The following BBS1 variants were observed in gnomAD, a reference collection of about 807,000 sequenced individuals.
The protein encoded by BBS1 is BBSome complex member BBS1.
In BBS1, 60 loss-of-function variants were observed where a neutral mutation model predicts 73.9. The observed-to-expected ratio is 0.81, with a 90% confidence interval of 0.66 to 1.01. The LOEUF (loss-of-function observed/expected upper bound fraction) is 1.01, where lower values mean the gene tolerates loss of function less well. Among genes scored for constraint, BBS1 ranks in the 50% least tolerant of loss-of-function variants. The pLI is 0.00. For synonymous variants in BBS1, 283 were observed against 317.4 expected, an observed-to-expected ratio of 0.89 and a Z score of 1.15; for missense variants, 718 against 770.3, an observed-to-expected ratio of 0.93 and a Z score of 0.80.
At chr11:66,514,315 G>T (rs1414963493) in intron 3 of BBS1, 91 bp from the exon 4 acceptor site, 73 of 1,514,736 alleles carry the variant, frequency 4.8e-5, no homozygotes, top group Non-Finnish European at 6.5e-5. Context: ...GTGCAGGAAT[G>T]AATGAATGTG....
intron 8 of BBS1, chr11:66,520,265 T>C (rs1183733583): frequency 6.3e-6 from 1 of 157,704 alleles, no homozygotes; most frequent in Non-Finnish European, 1.4e-5. Flanking sequence ...TAAAACCACA[T>C]CAGCCTTTTA....
intron 8 of BBS1, 44 bp from the exon 9 acceptor site, chr11:66,521,226 G>A (rs762622519): frequency 7.4e-6 from 11 of 1,482,462 alleles, no homozygotes; most frequent in Middle Eastern, 1.9e-4. Context: ...AGGGAGGGAC[G>A]GGGGCTCCAG....
chr11:66,527,426 T>A (rs1035838126), intron 13 of BBS1: 1 of 257,006 alleles, frequency 3.9e-6, no homozygotes, highest in Non-Finnish European at 7.6e-6. Context: ...ATCCCACCAC[T>A]TTGGGAGGCG....
chr11:66,512,873 G>T (rs1472551183), intron 3 of BBS1, among the ~76,000 whole-genome samples: 1 of 152,084 alleles, frequency 6.6e-6, no homozygotes, highest in Non-Finnish European at 1.5e-5. Flanking sequence ...TCGGGAGGCT[G>T]AGGCAGGAGA....
intron 4 of BBS1, 134 bp downstream of exon 4, chr11:66,514,812 G>A: frequency 1.0e-6 from 1 of 993,754 alleles, no homozygotes; most frequent in Non-Finnish European, 1.5e-6. Flanking sequence ...CAGCAGCAGT[G>A]ATGGCACTTT....
At chr11:66,518,882 T>C (rs1856116905) in intron 7 of BBS1, among the ~76,000 whole-genome samples, 1 of 151,968 alleles carries the variant, frequency 6.6e-6, no homozygotes, top group African/African-American at 2.4e-5. Flanking sequence ...CTCAGCCTCC[T>C]GAGTACCTGG....
At chr11:66,520,803 A>C (rs1856182661) in intron 8 of BBS1, 3 of 249,124 alleles carry the variant, frequency 1.2e-5, no homozygotes, top group Non-Finnish European at 2.4e-5. Flanking sequence ...GTACAATCTC[A>C]GCTTACTGCA....
intron 13 of BBS1, chr11:66,527,103 A>T: frequency 7.5e-7 from 1 of 1,324,672 alleles, no homozygotes; most frequent in Non-Finnish European, 1.0e-6. Flanking sequence ...TTGACTGGGC[A>T]TGGTGGCTCA....
intron 9 of BBS1, chr11:66,522,979 G>A: frequency 2.7e-6 from 1 of 366,344 alleles, no homozygotes; most frequent in Non-Finnish European, 5.4e-6. Context: ...ACATTGGCGT[G>A]TGCTCCTCGA....
chr11:66,524,031 G>A, intron 11 of BBS1, 149 bp downstream of exon 11: 1 of 1,227,720 alleles, frequency 8.1e-7, no homozygotes, highest in South Asian at 1.3e-5. Context: ...TGTAATCCCA[G>A]CACTTTGGGA....
intron 15 of BBS1, 131 bp from the exon 16 acceptor site, chr11:66,531,525 C>A: frequency 8.5e-7 from 1 of 1,179,232 alleles, no homozygotes; most frequent in Non-Finnish European, 1.3e-6. Context: ...CATCCTCCTC[C>A]ACCCAGCAGT....
At position 66,531,689 on chromosome 11, in the gene BBS1, C is replaced by G; in HGVS notation, c.1642C>G (p.Leu548Val). 6.2e-7 allele frequency: 1 copy of G among 1,614,150 alleles called. No homozygotes were observed. Among genetic ancestry groups the G allele is most frequent in the Admixed American group, 1.7e-5 (1 of 60,022 alleles). ...GCTGGTGCCAGGGCTCAACTACCCC[C>G]TGGAGACCTTTGTGGAGAGTCTCAG... is the stretch of plus-strand genomic sequence containing the variant. ...PLLVPGLNYP[L>V]ETFVESLSNK... The change falls in exon 16 of 17, where the codon CTG becomes GTG. Residue 548 changes from leucine (L) to valine (V), a missense_variant. Leu to Val is a conservative substitution (Grantham distance 32). Coordinates refer to ENST00000318312, the MANE Select transcript of BBS1 (RefSeq NM_024649.5).
intron 9 of BBS1, 170 bp downstream of exon 9, chr11:66,521,546 C>A: frequency 1.5e-6 from 1 of 673,620 alleles, no homozygotes; most frequent in African/African-American, 1.8e-5. Context: ...TACCTGGAGG[C>A]TTGTGAGATA....
In BBS1 at chr11:66,521,394, C is replaced by T; in HGVS notation, c.830+18C>T. ...CTGAGAAGGTAGCCACATCCGTGGTCTCCGGGGCCGGGAGGAACATCTCAG... is the reference window on the plus strand; with the variant it reads ...CTGAGAAGGTAGCCACATCCGTGGTTTCCGGGGCCGGGAGGAACATCTCAG... On this transcript the variant is annotated intron_variant, in intron 9 of 16. Transcript: ENST00000318312. The T allele has an allele frequency of 6.2e-7, 1 of 1,601,934 alleles. No homozygotes were observed. Among genetic ancestry groups the T allele is most frequent in the East Asian group, 2.2e-5 (1 of 44,824 alleles).
intron 9 of BBS1, chr11:66,522,891 G>T: frequency 2.9e-6 from 1 of 346,910 alleles, no homozygotes. Flanking sequence ...TCTCTGTGGA[G>T]ATGGCTTGAA....
Position 66,523,882 on chromosome 11 carries a change from G to T in BBS1, c.1110G>T (p.Pro370=), listed in dbSNP as rs183771956. The change falls in exon 11 of 17, where the codon CCG becomes CCT. Residue 370 remains proline, a splice_region_variant and synonymous_variant. Coordinates refer to ENST00000318312, the MANE Select transcript of BBS1 (RefSeq NM_024649.5). ...DKALLNVIHT[P]DAVTSLCFGR... Reference sequence around the variant, plus strand: ...CCCTGCTCAATGTCATCCACACCCCGGTGAGCCCCATCTCCGGCATCTGCC... The same window carrying T: ...CCCTGCTCAATGTCATCCACACCCCTGTGAGCCCCATCTCCGGCATCTGCC... 1.2e-6 allele frequency: 2 copies of T among 1,612,874 alleles called. No homozygotes were observed. Among genetic ancestry groups the T allele is most frequent in the Non-Finnish European group, 1.7e-6 (2 of 1,180,016 alleles).
intron 12 of BBS1, 73 bp downstream of exon 12, chr11:66,526,265 G>A: frequency 6.8e-7 from 1 of 1,464,440 alleles, no homozygotes; most frequent in Non-Finnish European, 9.6e-7. Context: ...GGGGAAAGAG[G>A]AGGAGGTGGA....
At position 66,514,688 on chromosome 11, in the gene BBS1, T is replaced by C. The variant is rs1379634889; in HGVS notation, c.432+10T>C. On this transcript the variant is annotated intron_variant, in intron 4 of 16. Coordinates refer to ENST00000318312, the MANE Select transcript of BBS1 (RefSeq NM_024649.5). Reference sequence around the variant, plus strand: ...GAACCAGGCCAAAGAGGTAAATAAATAACATGGGAGTTGGGAACCAGAAGG... The same window carrying C: ...GAACCAGGCCAAAGAGGTAAATAAACAACATGGGAGTTGGGAACCAGAAGG... 1.9e-6 allele frequency: 3 copies of C among 1,608,992 alleles called. No individual in the cohort carries two copies. Among genetic ancestry groups the C allele is most frequent in the Non-Finnish European group, 2.5e-6 (3 of 1,179,934 alleles).
intron 14 of BBS1, 41 bp downstream of exon 14, chr11:66,529,993 A>G (rs1436216612): frequency 6.3e-7 from 1 of 1,576,814 alleles, no homozygotes; most frequent in Non-Finnish European, 8.6e-7. Flanking sequence ...CCAGAGGGGC[A>G]GAGGCCAGGA....
Sources: allele counts gnomAD v4.1 joint callset (sites outside exome capture counted in the v4.1 genomes callset), GRCh38; gene constraint gnomAD v4.1.1; transcripts MANE v1.5; gene names NCBI Gene and HGNC (gene_info 2026-07-23, HGNC 2026-07-21).